LOXL2: variants seen among roughly 807,000 people sequenced by gnomAD.
LOXL2 encodes the protein lysyl oxidase like 2.
A neutral mutation model predicts 93.0 loss-of-function variants in LOXL2; 70 were observed. The observed-to-expected ratio is 0.75, with a 90% CI of 0.62 to 0.92. The LOEUF is 0.92. LOXL2 is among the 40% of genes least tolerant of loss of function. LOXL2 has a pLI of 0.00. For missense variants in LOXL2, 973 were observed against 1,054.9 expected, an observed-to-expected ratio of 0.92 and a Z score of 1.08; for synonymous variants, 438 against 413.2, an observed-to-expected ratio of 1.06 and a Z score of -0.73.
chr8:23,327,051 A>T (rs3901287), intron 6 of LOXL2, among the ~76,000 whole-genome samples: 107,961 of 152,132 alleles, frequency 0.71, 38,650 homozygotes, highest in Middle Eastern at 0.77. Flanking sequence ...GTTCTCCTCA[A>T]CTCTTGGACT....
At chr8:23,391,680 T>C (rs950395444) in intron 1 of LOXL2, among the ~76,000 whole-genome samples, 1 of 152,150 alleles carries the variant, frequency 6.6e-6, no homozygotes, top group Non-Finnish European at 1.5e-5. Context: ...CAAAATGGCA[T>C]GCAAGCTTGG....
chr8:23,401,115 G>A (rs1800147498), intron 1 of LOXL2, among the ~76,000 whole-genome samples: 1 of 152,154 alleles, frequency 6.6e-6, no homozygotes, highest in South Asian at 2.1e-4. Context: ...GGCTCCCTGG[G>A]TCACCAGCTG....
chr8:23,359,208 C>T (rs945547131), intron 3 of LOXL2, among the ~76,000 whole-genome samples: 31 of 152,082 alleles, frequency 2.0e-4, no homozygotes, highest in Non-Finnish European at 5.9e-5. Flanking sequence ...CAGTGGTAGC[C>T]AGCTTCCAAG....
At position 23,320,145 on chromosome 8, in the gene LOXL2, C is replaced by G. The variant is rs1803471325; in HGVS notation, c.1303-93G>C. The G allele has an allele frequency of 4.5e-6, 6 of 1,338,834 alleles. No individual in the cohort carries two copies. In the Admixed American group the frequency reaches 1.1e-4, roughly 25 times the overall value. 82.9% of individuals were successfully genotyped at this position (1,338,834 alleles called of 1,614,324 possible). On this transcript the variant is annotated intron_variant, in intron 7 of 13. Transcript: ENST00000389131. ...AGCCCCAGTGTCCTGGAGTCCTAAG[C>G]CAGGTGGTGCTGCCCGGGACACACT...
chr8:23,310,853 T>A (rs1241581368), intron 9 of LOXL2, among the ~76,000 whole-genome samples: 1 of 152,238 alleles, frequency 6.6e-6, no homozygotes, highest in East Asian at 1.9e-4. Flanking sequence ...GAATGACTGA[T>A]GGCTACAATC....
chr8:23,393,434 A>T (rs547677419), intron 1 of LOXL2, among the ~76,000 whole-genome samples: 2 of 152,390 alleles, frequency 1.3e-5, no homozygotes, highest in South Asian at 4.1e-4. Flanking sequence ...ACAAGGTCCC[A>T]AGACCATTCA....
chr8:23,371,731 G>A (rs546843137), intron 1 of LOXL2, among the ~76,000 whole-genome samples: 104 of 124,222 alleles, frequency 8.4e-4, no homozygotes, highest in African/African-American at 2.0e-3. Context: ...CAGCCTGGGC[G>A]AAAGAGTGAG....
chr8:23,353,100 C>T (rs765212105), intron 3 of LOXL2, among the ~76,000 whole-genome samples: 4 of 152,140 alleles, frequency 2.6e-5, no homozygotes, highest in African/African-American at 4.8e-5. Context: ...CGACACACAG[C>T]CCAGCCACAA....
intron 4 of LOXL2, among the ~76,000 whole-genome samples, chr8:23,335,248 G>A (rs548185431): frequency 2.6e-5 from 4 of 152,222 alleles, no homozygotes; most frequent in African/African-American, 9.6e-5. Context: ...TAGAACTCTG[G>A]AGAAGTTGAG....
chr8:23,367,635 G>A (rs973033380), intron 2 of LOXL2, among the ~76,000 whole-genome samples: 3 of 137,502 alleles, frequency 2.2e-5, no homozygotes, highest in Non-Finnish European at 5.0e-5. Flanking sequence ...CAGCCCCCAG[G>A]CAGGGCATAT....
chr8:23,400,682 A>T (rs1336727402), intron 1 of LOXL2, among the ~76,000 whole-genome samples: 2 of 152,230 alleles, frequency 1.3e-5, no homozygotes, highest in East Asian at 3.9e-4. Flanking sequence ...CTGTCAGAGT[A>T]CTCAGGTGAT....
intron 1 of LOXL2, among the ~76,000 whole-genome samples, chr8:23,387,012 G>A (rs1378323157): frequency 6.6e-6 from 1 of 152,160 alleles, no homozygotes; most frequent in Non-Finnish European, 1.5e-5. Context: ...CGTGGCAGAT[G>A]GCCTTAATTA....
Position 23,368,548 on chromosome 8 carries a change from C to G in LOXL2, c.-83-114G>C, listed in dbSNP as rs1229977384. The G allele has an allele frequency of 1.3e-5, 8 of 598,138 alleles. No homozygotes were observed. In the East Asian group the frequency reaches 2.2e-4, roughly 17 times the overall value. 37.1% of individuals were successfully genotyped at this position (598,138 alleles called of 1,614,324 possible). A position where few individuals can be genotyped will look rare whatever the true frequency, so the allele number is the denominator to read the frequency against. The stretch of plus-strand genomic sequence containing the variant: ...ATATGGAAAGCTCGTCCATTCTCGA[C>G]GCCAATCCAGCCCCACTCCTACATT... On this transcript the variant is annotated intron_variant, in intron 1 of 13. Coordinates refer to ENST00000389131, the MANE Select transcript of LOXL2 (RefSeq NM_002318.3).
In LOXL2 at chr8:23,394,306, T is replaced by C. The variant is rs74384846; in HGVS notation, c.-84+9648A>G. 7.2e-4 allele frequency among the ~76,000 whole-genome samples: 107 copies of C among 149,186 alleles called. No individual in the cohort carries two copies. The East Asian group carries it at 0.017, about 24-fold the overall frequency. On this transcript the variant is annotated intron_variant, in intron 1 of 13. Transcript: ENST00000389131. ...TACTCGGGAGGCTGAGGCAGGAGAA[T>C]CGCTTGAACTCGGGAGGTGGAGGTT...
chr8:23,323,241 A>C (rs1250087528), intron 6 of LOXL2, among the ~76,000 whole-genome samples: 1 of 152,224 alleles, frequency 6.6e-6, no homozygotes, highest in Non-Finnish European at 1.5e-5. Context: ...CACCGATCCT[A>C]ATCAGAGCCC....
intron 10 of LOXL2, among the ~76,000 whole-genome samples, chr8:23,308,932 GTCT>G (rs1327950281): frequency 2.0e-5 from 3 of 151,424 alleles, no homozygotes; most frequent in African/African-American, 7.3e-5. Flanking sequence ...CACACCCATT[GTCT>G]TCCTAGAGGT....
chr8:23,297,723 TTG>T lies in LOXL2; in HGVS notation c.*318_*319del. On this transcript the variant is annotated 3_prime_UTR_variant, in exon 14 of 14. Coordinates refer to ENST00000389131, the MANE Select transcript of LOXL2 (RefSeq NM_002318.3). Reference sequence around the variant, plus strand: ...CTGTGTCTGTGGTGAGCTCGGTGGCTTGAATGGGACAAGCTGATGACAACCTG... The same window carrying T: ...CTGTGTCTGTGGTGAGCTCGGTGGCTAATGGGACAAGCTGATGACAACCTG... 4 of 207,728 alleles carry T rather than the reference TTG, an allele frequency of 1.9e-5. No homozygotes were observed. Among genetic ancestry groups the T allele is most frequent in the South Asian group, 2.7e-4 (2 of 7,312 alleles). The allele number at this position is 207,728 out of a possible 1,614,324, so 12.9% of individuals were successfully genotyped here.
chr8:23,373,869 C>T (rs1345129577), intron 1 of LOXL2, among the ~76,000 whole-genome samples: 1 of 151,952 alleles, frequency 6.6e-6, no homozygotes, highest in South Asian at 2.1e-4. Context: ...GACTTTCCCA[C>T]CCCCATCCCC....
At position 23,320,016 on chromosome 8, in the gene LOXL2, G is replaced by A. The variant is rs1803469240; in HGVS notation, c.1339C>T (p.Arg447Ter). 2 of 1,614,050 alleles carry A rather than the reference G, an allele frequency of 1.2e-6. No homozygotes were observed. Among genetic ancestry groups the A allele is most frequent in the South Asian group, 1.1e-5 (1 of 91,080 alleles). The stretch of plus-strand genomic sequence containing the variant: ...TTTCTCTCCACCAGCACCTCCACTC[G>A]GCCCTCGTAGGGATTGCGGCCGCCG... ...LNGGRNPYEG[R>*]VEVLVERNGS... The change falls in exon 8 of 14, where the codon CGA (arginine) becomes TGA (stop). Residue 447 changes from arginine (R) to a stop codon, truncating the protein, a stop_gained. Coordinates refer to ENST00000389131, the MANE Select transcript of LOXL2 (RefSeq NM_002318.3). LOFTEE classifies it high-confidence loss of function.
Sources: allele counts gnomAD v4.1 joint callset (sites outside exome capture counted in the v4.1 genomes callset), GRCh38; gene constraint gnomAD v4.1.1; transcripts MANE v1.5; gene names NCBI Gene and HGNC (gene_info 2026-07-23, HGNC 2026-07-21).